The following KCNQ1OT1 variants were observed in gnomAD, a reference collection of about 807,000 sequenced individuals.
KCNQ1OT1 encodes the protein KCNQ1 antisense RNA 2 (non-protein coding).
At position 2,678,495 on chromosome 11, in the gene KCNQ1OT1, T is replaced by C; in HGVS notation, n.21500A>G. The C allele has an allele frequency of 5.0e-6, 2 of 398,616 alleles. No individual in the cohort carries two copies. Among genetic ancestry groups the C allele is most frequent in the Non-Finnish European group, 4.4e-6 (1 of 226,060 alleles). The allele number at this position is 398,616 out of a possible 1,614,324, so 24.7% of individuals were successfully genotyped here. A position where few individuals can be genotyped will look rare whatever the true frequency, so the allele number is the denominator to read the frequency against. ...ATTTCAAACTCTCATTTAATTTGTG[T>C]CCATTTCTAGACTCTATTCTGGACT... On this transcript the variant is annotated non_coding_transcript_exon_variant, in exon 1 of 1. Coordinates refer to ENST00000597346, the Ensembl canonical transcript of KCNQ1OT1. This position sits in a 1 kb window ranked among gnomAD's most constrained non-coding sequence, Gnocchi z 4.9.
rs540448088 is a variant in KCNQ1OT1, at chr11:2,652,149, G to A, written n.47846C>T. On this transcript the variant is annotated non_coding_transcript_exon_variant, in exon 1 of 1. Transcript: ENST00000597346. The surrounding 1 kb of genome is among the most constrained non-coding windows in gnomAD (Gnocchi z 5.9). ...GAAGGGACCTGTGTTTCTCAAGCCC[G>A]CGCCCTCGGGGCCTGGGGGTGGGGC... 1.4e-4 allele frequency: 56 copies of A among 398,634 alleles called. No individual in the cohort carries two copies. Among genetic ancestry groups the A allele is most frequent in the African/African-American group, 9.0e-4 (44 of 48,738 alleles). The allele number at this position is 398,634 out of a possible 1,614,324, so 24.7% of individuals were successfully genotyped here. A position where few individuals can be genotyped will look rare whatever the true frequency, so the allele number is the denominator to read the frequency against.
rs1014072461 is a variant in KCNQ1OT1 at position 2,654,824 on chromosome 11, G to A, written n.45171C>T. The A allele has an allele frequency of 7.5e-6, 3 of 398,484 alleles. No individual in the cohort carries two copies. Among genetic ancestry groups the A allele is most frequent in the African/African-American group, 2.1e-5 (1 of 48,590 alleles). 24.7% of individuals were successfully genotyped at this position (398,484 alleles called of 1,614,324 possible). A position where few individuals can be genotyped will look rare whatever the true frequency, so the allele number is the denominator to read the frequency against. ...AGCCTCAAAGACTTTCATGATAGGA[G>A]AGCTCTATGTAGCCTCATGGGCAGC... is the stretch of plus-strand genomic sequence containing the variant. On this transcript the variant is annotated non_coding_transcript_exon_variant, in exon 1 of 1. Transcript: ENST00000597346. The surrounding 1 kb of genome is among the most constrained non-coding windows in gnomAD (Gnocchi z 6.4).
In KCNQ1OT1 at chr11:2,663,919, G is replaced by A. The variant is rs997434920; in HGVS notation, n.36076C>T. ...TGTGGCTGTGTCATCTAGGACACTG[G>A]GCTGTTTCTTGTTCCACTCCAGGAT... On this transcript the variant is annotated non_coding_transcript_exon_variant, in exon 1 of 1. Coordinates refer to ENST00000597346, the Ensembl canonical transcript of KCNQ1OT1. The surrounding 1 kb of genome is among the most constrained non-coding windows in gnomAD (Gnocchi z 5.2). 9 of 398,590 alleles carry A rather than the reference G, an allele frequency of 2.3e-5. No individual in the cohort carries two copies. The Admixed American group carries it at 3.1e-4, about 14-fold the overall frequency. 24.7% of individuals were successfully genotyped at this position (398,590 alleles called of 1,614,324 possible).
rs1589983613 is a variant in KCNQ1OT1 at position 2,616,905 on chromosome 11, T to C, written n.83090A>G. On this transcript the variant is annotated non_coding_transcript_exon_variant, in exon 1 of 1. Transcript: ENST00000597346. Reference sequence around the variant, plus strand: ...TGTAGGTCTAGTTGGTTTATGGTATTGTTCAAGTCCTCTCTTTTCTTATTG... The same window carrying C: ...TGTAGGTCTAGTTGGTTTATGGTATCGTTCAAGTCCTCTCTTTTCTTATTG... 1.0e-5 allele frequency: 4 copies of C among 398,282 alleles called. No individual in the cohort carries two copies. In the East Asian group the frequency reaches 1.4e-4, roughly 14 times the overall value. The allele number at this position is 398,282 out of a possible 1,614,324, so 24.7% of individuals were successfully genotyped here. A position where few individuals can be genotyped will look rare whatever the true frequency, so the allele number is the denominator to read the frequency against.
chr11:2,668,666 G>A lies in KCNQ1OT1; in HGVS notation n.31329C>T. On this transcript the variant is annotated non_coding_transcript_exon_variant, in exon 1 of 1. Transcript: ENST00000597346. The surrounding 1 kb of genome is among the most constrained non-coding windows in gnomAD (Gnocchi z 4.3). ...CCTATATATCTTTAGATATTCTGGA[G>A]TCATTTGTCAGAGAGAGAGATACAC... is the stretch of plus-strand genomic sequence containing the variant. 1 of 398,534 alleles carries A rather than the reference G, an allele frequency of 2.5e-6. No individual in the cohort carries two copies. The highest frequency in any genetic ancestry group is 6.3e-4 in the Middle Eastern group (1 of 1,588). The allele number at this position is 398,534 out of a possible 1,614,324, so 24.7% of individuals were successfully genotyped here.
exon 1 of KCNQ1OT1, chr11:2,646,431 G>C (rs1849667017): frequency 5.0e-6 from 2 of 398,436 alleles, no homozygotes. Flanking sequence ...CCTTGGTTAA[G>C]CTTTGCTTTT....
exon 1 of KCNQ1OT1, chr11:2,680,886 T>A (rs1482809864): frequency 2.5e-6 from 1 of 398,506 alleles, no homozygotes; most frequent in Admixed American, 4.4e-5. Flanking sequence ...CAGGTTATTG[T>A]GTGTATCCTT....
rs573050842 is a variant in KCNQ1OT1 at position 2,677,833 on chromosome 11, A to G, written n.22162T>C. The G allele has an allele frequency of 9.3e-5, 37 of 398,488 alleles. No homozygotes were observed. Among genetic ancestry groups the G allele is most frequent in the African/African-American group, 6.6e-4 (32 of 48,722 alleles). The allele number at this position is 398,488 out of a possible 1,614,324, so 24.7% of individuals were successfully genotyped here. A position where few individuals can be genotyped will look rare whatever the true frequency, so the allele number is the denominator to read the frequency against. ...ATTTATGTTGTGATAGATACTGCCAAATAAGGGCTGTACCATTTACATCAC... is the reference window on the plus strand; with the variant it reads ...ATTTATGTTGTGATAGATACTGCCAGATAAGGGCTGTACCATTTACATCAC... On this transcript the variant is annotated non_coding_transcript_exon_variant, in exon 1 of 1. Transcript: ENST00000597346. The surrounding 1 kb of genome is among the most constrained non-coding windows in gnomAD (Gnocchi z 4.5).
exon 1 of KCNQ1OT1, chr11:2,640,066 T>G: frequency 4.8e-6 from 1 of 206,648 alleles, no homozygotes; most frequent in Non-Finnish European, 9.6e-6. Flanking sequence ...AAGCACAGTA[T>G]TAGGGTGGGA....
In KCNQ1OT1 at chr11:2,657,168, C is replaced by T. The variant is rs1431582605; in HGVS notation, n.42827G>A. 2.5e-6 allele frequency: 1 copy of T among 398,520 alleles called. No individual in the cohort carries two copies. Among genetic ancestry groups the T allele is most frequent in the Non-Finnish European group, 4.4e-6 (1 of 226,076 alleles). 24.7% of individuals were successfully genotyped at this position (398,520 alleles called of 1,614,324 possible). On this transcript the variant is annotated non_coding_transcript_exon_variant, in exon 1 of 1. Coordinates refer to ENST00000597346, the Ensembl canonical transcript of KCNQ1OT1. The surrounding 1 kb of genome is among the most constrained non-coding windows in gnomAD (Gnocchi z 4.8). ...TGTTTGGTACAGCAAGTTCTCCCAC[C>T]TTGTTCTTCTTCAAGAATATTGCCA...
chr11:2,610,453 T>C, exon 1 of KCNQ1OT1: 1 of 398,386 alleles, frequency 2.5e-6, no homozygotes, highest in Non-Finnish European at 4.4e-6. Flanking sequence ...TGATCCACTT[T>C]TTTGGTTTTT....
rs978790955 is a variant in KCNQ1OT1, at chr11:2,673,125, AG to A, written n.26869del. The A allele has an allele frequency of 7.5e-6, 3 of 398,708 alleles. No homozygotes were observed. The highest frequency in any genetic ancestry group is 6.2e-5 in the African/African-American group (3 of 48,642). 24.7% of individuals were successfully genotyped at this position (398,708 alleles called of 1,614,324 possible). On this transcript the variant is annotated non_coding_transcript_exon_variant, in exon 1 of 1. Coordinates refer to ENST00000597346, the Ensembl canonical transcript of KCNQ1OT1. The surrounding 1 kb of genome is among the most constrained non-coding windows in gnomAD (Gnocchi z 4.5). ...GCAGGAGACCCCAGCAGGCAGCATCAGGGCAGGGGTGCTGACCATCCCTGAC... is the reference window on the plus strand; with the variant it reads ...GCAGGAGACCCCAGCAGGCAGCATCAGGCAGGGGTGCTGACCATCCCTGAC...
chr11:2,692,532 C>T, exon 1 of KCNQ1OT1: 1 of 398,816 alleles, frequency 2.5e-6, no homozygotes. Flanking sequence ...TCCCTACCAC[C>T]AGAGGGCCCT....
rs772165494 is a variant in KCNQ1OT1, at chr11:2,667,069, C to T, written n.32926G>A. ...GGCTCAAACCCGTCTCTGAAATGCA[C>T]GGGGGGATTAAATGTTCTTCTAATT... On this transcript the variant is annotated non_coding_transcript_exon_variant, in exon 1 of 1. Transcript: ENST00000597346. 15 of 398,486 alleles carry T rather than the reference C, an allele frequency of 3.8e-5. No individual in the cohort carries two copies. The Middle Eastern group carries it at 1.9e-3, about 50-fold the overall frequency. The allele number at this position is 398,486 out of a possible 1,614,324, so 24.7% of individuals were successfully genotyped here.
exon 1 of KCNQ1OT1, chr11:2,660,087 T>G: frequency 2.5e-6 from 1 of 398,464 alleles, no homozygotes; most frequent in Non-Finnish European, 4.4e-6. Context: ...CGAGTTAAAC[T>G]TTTGGTTTCG....
chr11:2,616,105 C>T (rs1382937944), exon 1 of KCNQ1OT1: 1 of 397,678 alleles, frequency 2.5e-6, no homozygotes, highest in Non-Finnish European at 4.4e-6. Flanking sequence ...ATTCGTCCAT[C>T]TTATCTAGGT....
Position 2,627,476 on chromosome 11 carries a change from G to C in KCNQ1OT1, n.72519C>G, listed in dbSNP as rs80326080. 0.015 allele frequency: 6,077 copies of C among 398,368 alleles called. 164 individuals are homozygous for C. Among genetic ancestry groups the C allele is most frequent in the East Asian group, 0.079 (2,213 of 28,044 alleles). The allele number at this position is 398,368 out of a possible 1,614,324, so 24.7% of individuals were successfully genotyped here. A position where few individuals can be genotyped will look rare whatever the true frequency, so the allele number is the denominator to read the frequency against. ...TATTTCCCCTACTCCCTGACCCCTAGTAACCACCCTTCTACTCTCCGTTTC... is the reference window on the plus strand; with the variant it reads ...TATTTCCCCTACTCCCTGACCCCTACTAACCACCCTTCTACTCTCCGTTTC... On this transcript the variant is annotated non_coding_transcript_exon_variant, in exon 1 of 1. Transcript: ENST00000597346. The surrounding 1 kb of genome is among the most constrained non-coding windows in gnomAD (Gnocchi z 4.9).
At chr11:2,641,033 T>C in exon 1 of KCNQ1OT1, 1 of 398,558 alleles carries the variant, frequency 2.5e-6, no homozygotes, top group Non-Finnish European at 4.4e-6. Flanking sequence ...CCATTGTATA[T>C]ATTTACCTCA....
In KCNQ1OT1 at chr11:2,623,018, A is replaced by ATGTGTCAG. The variant is rs777193302; in HGVS notation, n.76969_76976dup. Reference sequence around the variant, plus strand: ...AATCTCATCTTGAACTGTAATCCCCATGTGTCAGGGGAGGGGCCTGGTGGG... The same window carrying ATGTGTCAG: ...AATCTCATCTTGAACTGTAATCCCCATGTGTCAGTGTGTCAGGGGAGGGGCCTGGTGGG... On this transcript the variant is annotated non_coding_transcript_exon_variant, in exon 1 of 1. Coordinates refer to ENST00000597346, the Ensembl canonical transcript of KCNQ1OT1. This position sits in a 1 kb window ranked among gnomAD's most constrained non-coding sequence, Gnocchi z 5.2. 5.0e-6 allele frequency: 2 copies of ATGTGTCAG among 398,572 alleles called. No individual in the cohort carries two copies. Among genetic ancestry groups the ATGTGTCAG allele is most frequent in the Non-Finnish European group, 8.8e-6 (2 of 226,104 alleles). The allele number at this position is 398,572 out of a possible 1,614,324, so 24.7% of individuals were successfully genotyped here. A position where few individuals can be genotyped will look rare whatever the true frequency, so the allele number is the denominator to read the frequency against.
Sources: gnomAD v4.1 joint callset for allele counts on GRCh38, gnomAD v4.1.1 for gene constraint, Gnocchi (gnomAD v3.1) non-coding constraint, MANE v1.5 for transcripts, NCBI Gene and HGNC (gene_info 2026-07-23, HGNC 2026-07-21) for gene names.